The following RHOJ variants were observed in gnomAD, a reference collection of about 807,000 sequenced individuals.
RHOJ encodes the protein ras homolog family member J, also known as rho-related GTP-binding protein RhoJ.
In RHOJ, 11 loss-of-function variants were observed where a neutral mutation model predicts 23.4. The ratio of observed to expected loss-of-function variants is 0.47; its 90% CI spans 0.30 to 0.78. The LOEUF is 0.78. Among genes scored for constraint, RHOJ ranks in the 30% least tolerant of loss-of-function variants. RHOJ has a pLI of 0.08. For missense variants in RHOJ, 254 were observed against 273.4 expected, an observed-to-expected ratio of 0.93 and a Z score of 0.50; for synonymous variants, 102 against 102.7, an observed-to-expected ratio of 0.99 and a Z score of 0.04.
chr14:63,204,921 GAGA>G lies in RHOJ; in HGVS notation c.59_61del (p.Lys20del), dbSNP rs767835728. On this transcript the variant is annotated inframe_deletion, in exon 1 of 5. Transcript: ENST00000316754. ...CAGCTGCGGCTGCAGGGGCAACGAC[GAGA>G]AGAAGATGTTGAAGTGTGTGGTGGT... 6.1e-5 allele frequency: 98 copies of G among 1,614,174 alleles called. No homozygotes were observed. Among genetic ancestry groups the G allele is most frequent in the Admixed American group, 2.3e-4 (14 of 60,022 alleles).
chr14:63,230,658 T>C (rs1894673853), intron 1 of RHOJ, among the ~76,000 whole-genome samples: 1 of 151,216 alleles, frequency 6.6e-6, no homozygotes, highest in Non-Finnish European at 1.5e-5. Flanking sequence ...TTCAGTAGAA[T>C]TTATCACTAT....
chr14:63,281,250 C>A, intron 3 of RHOJ, 115 bp downstream of exon 3: 1 of 997,068 alleles, frequency 1.0e-6, no homozygotes, highest in Non-Finnish European at 1.4e-6. Flanking sequence ...TCAGACATGT[C>A]AATCCTATGA....
At chr14:63,218,256 A>G (rs1231023516) in intron 1 of RHOJ, among the ~76,000 whole-genome samples, 1 of 152,204 alleles carries the variant, frequency 6.6e-6, no homozygotes, top group Non-Finnish European at 1.5e-5. Context: ...GCTTATTGAC[A>G]TTCATATTCA....
At chr14:63,286,679 C>T (rs576603345) in intron 4 of RHOJ, among the ~76,000 whole-genome samples, 64 of 152,324 alleles carry the variant, frequency 4.2e-4, no homozygotes, top group African/African-American at 1.5e-3. Flanking sequence ...CCCAGCATTT[C>T]CTCATCAACA....
intron 1 of RHOJ, among the ~76,000 whole-genome samples, chr14:63,217,779 C>T (rs1056991906): frequency 2.6e-5 from 4 of 152,078 alleles, no homozygotes; most frequent in African/African-American, 9.7e-5. Context: ...GAAAACTTTC[C>T]CGCTTTTTTA....
chr14:63,264,149 AGTTT>A (rs891771954), intron 1 of RHOJ, among the ~76,000 whole-genome samples: 23 of 151,928 alleles, frequency 1.5e-4, no homozygotes, highest in African/African-American at 5.6e-4. Flanking sequence ...CCCAATAGTT[AGTTT>A]TTCAACCCAT....
At chr14:63,221,093 C>T (rs770248492) in intron 1 of RHOJ, among the ~76,000 whole-genome samples, 2 of 152,054 alleles carry the variant, frequency 1.3e-5, no homozygotes, top group Non-Finnish European at 2.9e-5. Flanking sequence ...CTTTGGGAGT[C>T]GAAGGCAGAG....
intron 1 of RHOJ, among the ~76,000 whole-genome samples, chr14:63,217,548 A>G (rs1254932615): frequency 6.6e-6 from 1 of 152,024 alleles, no homozygotes; most frequent in Non-Finnish European, 1.5e-5. Context: ...TTCAAGATGG[A>G]TTAAAGACTT....
chr14:63,227,617 C>A (rs1348968206), intron 1 of RHOJ, among the ~76,000 whole-genome samples: 3 of 152,156 alleles, frequency 2.0e-5, no homozygotes, highest in Non-Finnish European at 4.4e-5. Context: ...TCTCTAATTA[C>A]AACAGTGTGG....
At chr14:63,283,916 G>A (rs1210780886) in intron 4 of RHOJ, among the ~76,000 whole-genome samples, 1 of 152,158 alleles carries the variant, frequency 6.6e-6, no homozygotes, top group Non-Finnish European at 1.5e-5. Flanking sequence ...CCCGAGATGT[G>A]AGCAAAGCAG....
chr14:63,242,440 A>G (rs1399920080), intron 1 of RHOJ, among the ~76,000 whole-genome samples: 1 of 152,192 alleles, frequency 6.6e-6, no homozygotes, highest in Non-Finnish European at 1.5e-5. Context: ...GTGGTGGTAC[A>G]TGACTGTAGT....
chr14:63,231,250 T>G (rs1288765066), intron 1 of RHOJ, among the ~76,000 whole-genome samples: 1 of 152,180 alleles, frequency 6.6e-6, no homozygotes, highest in Non-Finnish European at 1.5e-5. Flanking sequence ...ATGATTTGTA[T>G]CCATCCCTAC....
chr14:63,289,635 A>G (rs554547590), intron 4 of RHOJ, among the ~76,000 whole-genome samples: 57 of 152,328 alleles, frequency 3.7e-4, no homozygotes, highest in Middle Eastern at 6.8e-3. Context: ...TCTCCTTCAC[A>G]AGAAGCTGAC....
chr14:63,238,384 CA>C (rs1384306383), intron 1 of RHOJ, among the ~76,000 whole-genome samples: 1 of 152,088 alleles, frequency 6.6e-6, no homozygotes, highest in Non-Finnish European at 1.5e-5. Flanking sequence ...AGATCAGGGT[CA>C]GAAGAAAGTC....
intron 1 of RHOJ, among the ~76,000 whole-genome samples, chr14:63,228,993 A>T (rs1028726400): frequency 6.6e-6 from 1 of 152,140 alleles, no homozygotes; most frequent in Admixed American, 6.5e-5. Flanking sequence ...ACTGTATTAT[A>T]ATGGCCTATT....
intron 1 of RHOJ, among the ~76,000 whole-genome samples, chr14:63,260,843 G>GT (rs147485104): frequency 0.02 from 2,901 of 145,036 alleles, 88 homozygotes; most frequent in African/African-American, 0.063. Context: ...ACATGTACAG[G>GT]TTTTTTTTTT....
chr14:63,231,164 C>T (rs1026014353), intron 1 of RHOJ, among the ~76,000 whole-genome samples: 2 of 152,300 alleles, frequency 1.3e-5, no homozygotes, highest in East Asian at 3.9e-4. Context: ...GCTAGGATTA[C>T]ATGTGTGAGC....
intron 3 of RHOJ, among the ~76,000 whole-genome samples, chr14:63,281,670 C>T (rs557216735): frequency 9.9e-5 from 15 of 152,280 alleles, no homozygotes; most frequent in South Asian, 8.3e-4. Context: ...GAAGTTAAAA[C>T]ACATATACCA....
intron 4 of RHOJ, chr14:63,284,447 T>C: frequency 5.5e-6 from 4 of 725,138 alleles, no homozygotes; most frequent in Non-Finnish European, 6.8e-6. Context: ...GCAGATAGCG[T>C]TGGTCTCAGC....
Sources: gnomAD v4.1 joint callset for allele counts (sites outside exome capture counted in the v4.1 genomes callset) on GRCh38, gnomAD v4.1.1 for gene constraint, MANE v1.5 for transcripts, NCBI Gene and HGNC (gene_info 2026-07-23, HGNC 2026-07-21) for gene names.